PCSK5: variants seen among roughly 807,000 people sequenced by gnomAD.
PCSK5 encodes the protein proprotein convertase subtilisin/kexin type 5.
A neutral mutation model predicts 233.2 loss-of-function variants in PCSK5; 129 were observed. The observed-to-expected ratio is 0.55, with a 90% confidence interval of 0.48 to 0.64. PCSK5 has a LOEUF of 0.64. PCSK5 is among the 30% of genes least tolerant of loss of function. The pLI, the probability that PCSK5 is intolerant of heterozygous loss-of-function variation, is 0.00. For missense variants in PCSK5, 2,076 were observed against 2,430.1 expected (o/e 0.85, Z 3.06); for synonymous variants, 825 against 879.2 (o/e 0.94, Z 1.09).
intron 8 of PCSK5, 144 bp from the exon 9 acceptor site, chr9:76,107,107 A>G (rs367801307): frequency 1.2e-4 from 66 of 537,958 alleles, no homozygotes; most frequent in East Asian, 1.1e-3. Context: ...TGGAAGTGAT[A>G]TGATTTACAG....
At position 76,136,894 on chromosome 9, in the gene PCSK5, A is replaced by G. The variant is rs555545303; in HGVS notation, c.1312+2682A>G. Reference sequence around the variant, plus strand: ...GAGTTCAGACATCACTAGACTTGATAGTCTTTGTTATCACTGATAACTTCA... The same window carrying G: ...GAGTTCAGACATCACTAGACTTGATGGTCTTTGTTATCACTGATAACTTCA... On this transcript the variant is annotated intron_variant, in intron 10 of 37. Coordinates refer to ENST00000674117, the MANE Select transcript of PCSK5 (RefSeq NM_001372043.1). 6.8e-4 allele frequency among the ~76,000 whole-genome samples: 103 copies of G among 152,214 alleles called. 2 individuals carry two copies. The South Asian group carries it at 0.02, about 30-fold the overall frequency.
At chr9:76,208,171 C>T (rs1029116859) in intron 20 of PCSK5, among the ~76,000 whole-genome samples, 1 of 152,192 alleles carries the variant, frequency 6.6e-6, no homozygotes, top group African/African-American at 2.4e-5. Context: ...CCTCTTGATA[C>T]TGTCATAATG....
At chr9:76,152,251 G>T (rs1823706101) in intron 10 of PCSK5, among the ~76,000 whole-genome samples, 1 of 152,148 alleles carries the variant, frequency 6.6e-6, no homozygotes, top group African/African-American at 2.4e-5. Context: ...GGAATTCCCA[G>T]GGCACAAGCA....
intron 24 of PCSK5, among the ~76,000 whole-genome samples, chr9:76,272,472 G>A (rs956766875): frequency 6.6e-6 from 1 of 151,914 alleles, no homozygotes; most frequent in African/African-American, 2.4e-5. Flanking sequence ...TCCCATGGCC[G>A]TGGATAAAGT....
At chr9:76,022,766 CCT>C (rs1828252262) in intron 3 of PCSK5, among the ~76,000 whole-genome samples, 1 of 152,198 alleles carries the variant, frequency 6.6e-6, no homozygotes, top group Non-Finnish European at 1.5e-5. Flanking sequence ...TGTTTTACAG[CCT>C]TCCCCTCGAA....
chr9:75,955,403 C>G (rs1026960462), intron 2 of PCSK5, among the ~76,000 whole-genome samples: 1 of 152,152 alleles, frequency 6.6e-6, no homozygotes, highest in Non-Finnish European at 1.5e-5. Context: ...CACCAACACA[C>G]GTGCTTTGTA....
At chr9:75,927,588 T>G (rs1823551750) in intron 1 of PCSK5, among the ~76,000 whole-genome samples, 1 of 152,130 alleles carries the variant, frequency 6.6e-6, no homozygotes, top group South Asian at 2.1e-4. Context: ...CAAGGAGGCA[T>G]TAGACTGTTG....
chr9:76,150,346 C>T (rs950485017), intron 10 of PCSK5, among the ~76,000 whole-genome samples: 2 of 152,076 alleles, frequency 1.3e-5, no homozygotes, highest in Non-Finnish European at 2.9e-5. Flanking sequence ...TAAAAACAAA[C>T]CAGGCAGCCG....
intron 20 of PCSK5, among the ~76,000 whole-genome samples, chr9:76,203,921 T>G (rs1825011573): frequency 3.3e-5 from 5 of 152,174 alleles, no homozygotes; most frequent in Admixed American, 3.3e-4. Context: ...CTGTGTGATC[T>G]TAGGGAACAC....
Position 75,891,075 on chromosome 9 carries a change from C to A in PCSK5, c.-107C>A. The stretch of plus-strand genomic sequence containing the variant: ...GATCGCCCGGGGCTGCGAGCTGCGG[C>A]GGCCCGGGGCTGCTCGCCGGGCGGC... On this transcript the variant is annotated 5_prime_UTR_variant, in exon 1 of 38. Coordinates refer to ENST00000674117, the MANE Select transcript of PCSK5 (RefSeq NM_001372043.1). 9.5e-7 allele frequency: 1 copy of A among 1,058,042 alleles called. No individual in the cohort carries two copies. Among genetic ancestry groups the A allele is most frequent in the Non-Finnish European group, 1.2e-6 (1 of 801,320 alleles). The allele number at this position is 1,058,042 out of a possible 1,614,324, so 65.5% of individuals were successfully genotyped here.
chr9:76,023,635 C>T (rs1828293479), intron 3 of PCSK5, 103 bp from the exon 4 acceptor site: 2 of 1,095,222 alleles, frequency 1.8e-6, no homozygotes, highest in Non-Finnish European at 2.6e-6. Flanking sequence ...TACACTCCAG[C>T]CTGGGCAGCA....
intron 24 of PCSK5, chr9:76,286,892 T>C: frequency 4.4e-6 from 1 of 228,500 alleles, no homozygotes; most frequent in African/African-American, 2.4e-5. Flanking sequence ...CCATTGGTGA[T>C]TAACTTATTA....
At chr9:76,209,294 C>T (rs1825239104) in intron 20 of PCSK5, among the ~76,000 whole-genome samples, 1 of 152,188 alleles carries the variant, frequency 6.6e-6, no homozygotes, top group South Asian at 2.1e-4. Flanking sequence ...TTGCAACCTG[C>T]GTTCCTATCG....
At chr9:75,892,889 G>C (rs1419964214) in intron 1 of PCSK5, among the ~76,000 whole-genome samples, 1 of 152,160 alleles carries the variant, frequency 6.6e-6, no homozygotes, top group Non-Finnish European at 1.5e-5. Context: ...ATTCCCTCCT[G>C]CCCCTGGAAC....
At chr9:76,320,464 G>GCTT (rs1218369068) in intron 30 of PCSK5, among the ~76,000 whole-genome samples, 5 of 87,630 alleles carry the variant, frequency 5.7e-5, no homozygotes, top group South Asian at 3.5e-4. Context: ...GTACATTGTA[G>GCTT]CTTTTTTTTT....
intron 35 of PCSK5, 105 bp downstream of exon 35, chr9:76,338,552 C>A (rs1829744685): frequency 2.7e-6 from 2 of 735,416 alleles, no homozygotes; most frequent in Admixed American, 2.3e-5. Context: ...GTTCCTCTTG[C>A]TTCCCTACCT....
At chr9:75,929,637 C>T (rs1229408980) in intron 1 of PCSK5, among the ~76,000 whole-genome samples, 1 of 146,102 alleles carries the variant, frequency 6.8e-6, no homozygotes, top group Non-Finnish European at 1.5e-5. Context: ...GAAGGAAGGC[C>T]ATCATAGCTA....
At chr9:75,909,098 G>T (rs1171945648) in intron 1 of PCSK5, among the ~76,000 whole-genome samples, 1 of 151,988 alleles carries the variant, frequency 6.6e-6, no homozygotes, top group Non-Finnish European at 1.5e-5. Context: ...GCCGAGGTGG[G>T]CGGATCACCT....
At chr9:75,920,989 C>T (rs1823232553) in intron 1 of PCSK5, among the ~76,000 whole-genome samples, 2 of 151,712 alleles carry the variant, frequency 1.3e-5, no homozygotes, top group South Asian at 4.2e-4. Context: ...TAATGGAAGG[C>T]ATAAAAGAAT....
Sources: allele counts gnomAD v4.1 joint callset (sites outside exome capture counted in the v4.1 genomes callset), GRCh38; gene constraint gnomAD v4.1.1; transcripts MANE v1.5; gene names NCBI Gene and HGNC (gene_info 2026-07-23, HGNC 2026-07-21).